Variants in ATP8A1 observed in about 807,000 individuals in gnomAD.
ATP8A1 encodes phospholipid-transporting ATPase IA.
A neutral mutation model predicts 177.7 loss-of-function variants in ATP8A1; 90 were observed. The observed-to-expected ratio is 0.51, with a 90% CI of 0.43 to 0.60. The LOEUF is 0.60. ATP8A1 is among the 20% of genes least tolerant of loss of function. The pLI, the probability that ATP8A1 is intolerant of heterozygous loss-of-function variation, is 0.00. For synonymous variants in ATP8A1, 493 were observed against 485.9 expected, an observed-to-expected ratio of 1.01 and a Z score of -0.19; for missense variants, 1,072 against 1,392.8, an observed-to-expected ratio of 0.77 and a Z score of 3.67.
intron 16 of ATP8A1, among the ~76,000 whole-genome samples, chr4:42,553,610 A>G (rs1729734239): frequency 6.6e-6 from 1 of 151,810 alleles, no homozygotes; most frequent in Admixed American, 6.5e-5. Flanking sequence ...ACATTTCTCT[A>G]TGCTCTTGGG....
chr4:42,541,382 T>A (rs1358244427), intron 20 of ATP8A1, among the ~76,000 whole-genome samples: 1 of 152,122 alleles, frequency 6.6e-6, no homozygotes, highest in Non-Finnish European at 1.5e-5. Context: ...CAAACGTGGG[T>A]GAAGATGTGG....
intron 25 of ATP8A1, among the ~76,000 whole-genome samples, chr4:42,473,050 T>C (rs999585501): frequency 3.3e-5 from 5 of 152,170 alleles, no homozygotes; most frequent in Non-Finnish European, 7.3e-5. Flanking sequence ...GAAGTTTAGA[T>C]AGTAGTGGGA....
chr4:42,581,569 A>G lies in ATP8A1; in HGVS notation c.834+52T>C, dbSNP rs909980395. On this transcript the variant is annotated intron_variant, in intron 10 of 36. Coordinates refer to ENST00000381668, the MANE Select transcript of ATP8A1 (RefSeq NM_006095.2). ...ACCACTGCACTGAGATCTGTAAATCATACACTCACAAAAGCCTTAGGTCCA... is the reference window on the plus strand; with the variant it reads ...ACCACTGCACTGAGATCTGTAAATCGTACACTCACAAAAGCCTTAGGTCCA... 1.1e-5 allele frequency: 14 copies of G among 1,294,524 alleles called. No homozygotes were observed. In the African/African-American group the frequency reaches 1.9e-4, roughly 18 times the overall value. 80.2% of individuals were successfully genotyped at this position (1,294,524 alleles called of 1,614,324 possible).
chr4:42,484,352 G>T (rs1277909179), intron 25 of ATP8A1, among the ~76,000 whole-genome samples: 1 of 151,944 alleles, frequency 6.6e-6, no homozygotes, highest in Non-Finnish European at 1.5e-5. Flanking sequence ...AAAAGAAAAA[G>T]AAATTATATG....
rs371877300 is a variant in ATP8A1, at chr4:42,515,708, A to G, written c.1947+6452T>C. On this transcript the variant is annotated intron_variant, in intron 22 of 36. Coordinates refer to ENST00000381668, the MANE Select transcript of ATP8A1 (RefSeq NM_006095.2). ...GTTTTAGTTTACAAGTTCACTACCT[A>G]TCTCCCACCACTGAAACAAAAGGCA... Among the ~76,000 whole-genome samples the G allele has an allele frequency of 2.4e-4, 37 of 152,244 alleles. 1 individual carries two copies. The South Asian group carries it at 3.5e-3, about 14-fold the overall frequency.
intron 25 of ATP8A1, among the ~76,000 whole-genome samples, chr4:42,470,555 TTG>T (rs1341181694): frequency 6.6e-6 from 1 of 152,178 alleles, no homozygotes; most frequent in East Asian, 1.9e-4. Context: ...ATCCACTGGA[TTG>T]TGTTTTGGGA....
Position 42,556,280 on chromosome 4 carries a change from A to AT in ATP8A1, c.1341-241dup, listed in dbSNP as rs1383215697. The AT allele has an allele frequency of 5.6e-5, 18 of 322,852 alleles. 1 individual carries two copies. The South Asian group carries it at 2.2e-3, about 40-fold the overall frequency. The allele number at this position is 322,852 out of a possible 1,614,324, so 20.0% of individuals were successfully genotyped here. ...AATGAAAAATAGTATTTTACAGTTCATTTTTTCTGGAGTTAAATTATATCG... is the reference window on the plus strand; with the variant it reads ...AATGAAAAATAGTATTTTACAGTTCATTTTTTTCTGGAGTTAAATTATATCG... On this transcript the variant is annotated intron_variant, in intron 15 of 36. Transcript: ENST00000381668.
chr4:42,657,014 C>A lies in ATP8A1; in HGVS notation c.-141G>T. ...CGCCGCCCACCTAGGGCAGAGCTGCCGCCGGGCGCGGCCCCCGCACGCCGA... is the reference window on the plus strand; with the variant it reads ...CGCCGCCCACCTAGGGCAGAGCTGCAGCCGGGCGCGGCCCCCGCACGCCGA... On this transcript the variant is annotated 5_prime_UTR_variant, in exon 1 of 37. Coordinates refer to ENST00000381668, the MANE Select transcript of ATP8A1 (RefSeq NM_006095.2). 1.2e-6 allele frequency: 1 copy of A among 846,864 alleles called. No individual in the cohort carries two copies. The highest frequency in any genetic ancestry group is 5.8e-5 in the South Asian group (1 of 17,214). 52.5% of individuals were successfully genotyped at this position (846,864 alleles called of 1,614,324 possible).
At chr4:42,514,078 T>A (rs1725277575) in intron 22 of ATP8A1, among the ~76,000 whole-genome samples, 1 of 152,196 alleles carries the variant, frequency 6.6e-6, no homozygotes, top group Admixed American at 6.5e-5. Flanking sequence ...CTAAGAGCAT[T>A]AAGTCCTTAA....
chr4:42,522,655 T>C (rs1726260608), intron 21 of ATP8A1, among the ~76,000 whole-genome samples: 1 of 152,170 alleles, frequency 6.6e-6, no homozygotes, highest in Non-Finnish European at 1.5e-5. Flanking sequence ...TTTCATCAGG[T>C]GCCTTCACTC....
intron 35 of ATP8A1, among the ~76,000 whole-genome samples, chr4:42,421,057 C>T (rs774942975): frequency 3.9e-5 from 6 of 152,002 alleles, no homozygotes; most frequent in South Asian, 2.1e-4. Flanking sequence ...TGTGAGCCAC[C>T]GCGCCTGGCC....
intron 21 of ATP8A1, among the ~76,000 whole-genome samples, chr4:42,523,867 CT>C (rs1014786290): frequency 4.0e-5 from 6 of 151,334 alleles, no homozygotes; most frequent in African/African-American, 7.3e-5. Context: ...CAAAAGCCAT[CT>C]TTTTTTTTGT....
chr4:42,636,146 A>ACGCGCGCGTG (rs1190211574), intron 1 of ATP8A1, among the ~76,000 whole-genome samples: 1 of 28,934 alleles, frequency 3.5e-5, no homozygotes, highest in Non-Finnish European at 1.2e-4. Context: ...ACACACACAC[A>ACGCGCGCGTG]CACACACACA....
In ATP8A1 at chr4:42,656,976, G is replaced by A. The variant is rs1230144108; in HGVS notation, c.-103C>T. On this transcript the variant is annotated 5_prime_UTR_variant, in exon 1 of 37. Coordinates refer to ENST00000381668, the MANE Select transcript of ATP8A1 (RefSeq NM_006095.2). Reference sequence around the variant, plus strand: ...GCGCCGCGCAGAGCGCTCAGCTGCAGCCTGGGCCGCGCCGCCGCCCACCTA... The same window carrying A: ...GCGCCGCGCAGAGCGCTCAGCTGCAACCTGGGCCGCGCCGCCGCCCACCTA... The A allele has an allele frequency of 1.7e-6, 2 of 1,204,624 alleles. No individual in the cohort carries two copies. Among genetic ancestry groups the A allele is most frequent in the East Asian group, 6.4e-5 (2 of 31,476 alleles). 74.6% of individuals were successfully genotyped at this position (1,204,624 alleles called of 1,614,324 possible).
chr4:42,468,587 A>G (rs989826161), intron 25 of ATP8A1, among the ~76,000 whole-genome samples: 2 of 152,196 alleles, frequency 1.3e-5, no homozygotes, highest in African/African-American at 4.8e-5. Flanking sequence ...GAATGGACAA[A>G]CATTGTATGT....
At chr4:42,564,208 G>A (rs1731130815) in intron 15 of ATP8A1, among the ~76,000 whole-genome samples, 1 of 152,196 alleles carries the variant, frequency 6.6e-6, no homozygotes, top group Non-Finnish European at 1.5e-5. Flanking sequence ...GGTCCCTCAT[G>A]GAGAACCTCT....
rs1299393276 is a variant in ATP8A1 at position 42,485,591 on chromosome 4, T to A, written c.2229A>T (p.Ile743=). ...CATATTTGAGGGTTTTCCCATCAAT[T>A]ATAAGAGCAAAATCATTCTCTTTCC... ...ALRKENDFAL[I]IDGKTLKYAL... Residue 743 remains isoleucine (I), a synonymous_variant, in exon 25 of 37, where the codon ATA becomes ATT. Coordinates refer to ENST00000381668, the MANE Select transcript of ATP8A1 (RefSeq NM_006095.2). 1.9e-6 allele frequency: 3 copies of A among 1,613,752 alleles called. No individual in the cohort carries two copies. Among genetic ancestry groups the A allele is most frequent in the Non-Finnish European group, 2.5e-6 (3 of 1,179,760 alleles).
chr4:42,571,489 T>C (rs984041720), intron 14 of ATP8A1, among the ~76,000 whole-genome samples: 19 of 150,608 alleles, frequency 1.3e-4, no homozygotes, highest in African/African-American at 4.2e-4. Flanking sequence ...TTTACAAAGA[T>C]GGCACTTAGG....
At chr4:42,511,247 A>G (rs1292936853) in intron 22 of ATP8A1, among the ~76,000 whole-genome samples, 2 of 152,200 alleles carry the variant, frequency 1.3e-5, no homozygotes, top group Non-Finnish European at 2.9e-5. Flanking sequence ...TATAATGATC[A>G]CTAGAAAAAA....
Sources: allele counts gnomAD v4.1 joint callset (sites outside exome capture counted in the v4.1 genomes callset), GRCh38; gene constraint gnomAD v4.1.1; transcripts MANE v1.5; gene names NCBI Gene and HGNC (gene_info 2026-07-23, HGNC 2026-07-21).